The following TAFA1 variants were observed in gnomAD, a reference collection of about 807,000 sequenced individuals.
TAFA1 encodes chemokine-like protein TAFA-1.
A neutral mutation model predicts 18.5 loss-of-function variants in TAFA1; 4 were observed. That is an observed-to-expected ratio of 0.22 (90% CI 0.11 to 0.49). The LOEUF (loss-of-function observed/expected upper bound fraction) is 0.49, where lower values mean the gene tolerates loss of function less well. Among genes scored for constraint, TAFA1 ranks in the 20% least tolerant of loss-of-function variants. The pLI is 0.98. For synonymous variants in TAFA1, 56 were observed against 55.2 expected (o/e 1.01, Z -0.06); for missense variants, 147 against 169.0 (o/e 0.87, Z 0.72).
chr3:68,153,875 G>T (rs1173080094), intron 2 of TAFA1, among the ~76,000 whole-genome samples: 1 of 152,116 alleles, frequency 6.6e-6, no homozygotes, highest in African/African-American at 2.4e-5. Context: ...TTTATAATAA[G>T]AAAGCTATCC....
intron 3 of TAFA1, among the ~76,000 whole-genome samples, chr3:68,516,888 C>G (rs2072928762): frequency 6.6e-6 from 1 of 152,132 alleles, no homozygotes; most frequent in Non-Finnish European, 1.5e-5. Flanking sequence ...ATTCTCCTGC[C>G]TCAGTCTCCC....
chr3:68,178,865 C>T (rs567351275), intron 2 of TAFA1, among the ~76,000 whole-genome samples: 2 of 152,282 alleles, frequency 1.3e-5, no homozygotes, highest in East Asian at 3.9e-4. Flanking sequence ...GAGGTGCTTC[C>T]AGCTGGTGGT....
intron 2 of TAFA1, among the ~76,000 whole-genome samples, chr3:68,368,701 T>C (rs2069620626): frequency 6.6e-6 from 1 of 152,160 alleles, no homozygotes; most frequent in Non-Finnish European, 1.5e-5. Flanking sequence ...CACAGGTATA[T>C]GTGGGAAGGG....
rs1288072929 is a variant in TAFA1 at position 68,006,728 on chromosome 3, T to G, written c.102T>G (p.His34Gln). The change falls in exon 2 of 5, where the codon CAT becomes CAG. Residue 34 changes from histidine (H) to glutamine (Q), a missense_variant. Physicochemically the swap from His to Gln is conservative, Grantham distance 24. Transcript: ENST00000478136. ...CCCTTCAGCACACTTTCCAGCAGCATCACCTGCACAGACCAGGTAAGTCAG... is the reference window on the plus strand; with the variant it reads ...CCCTTCAGCACACTTTCCAGCAGCAGCACCTGCACAGACCAGGTAAGTCAG... ...HGSLQHTFQQ[H>Q]HLHRPEGGTC... is the part of the protein sequence containing the mutation. The G allele has an allele frequency of 1.9e-6, 3 of 1,613,538 alleles. No homozygotes were observed. Among genetic ancestry groups the G allele is most frequent in the Non-Finnish European group, 2.5e-6 (3 of 1,179,536 alleles).
chr3:68,021,871 C>T (rs1704698263), intron 2 of TAFA1, among the ~76,000 whole-genome samples: 1 of 152,088 alleles, frequency 6.6e-6, no homozygotes, highest in African/African-American at 2.4e-5. Flanking sequence ...AGAATTTGTA[C>T]ATGACAGGCA....
In TAFA1 at chr3:68,245,570, T is replaced by A. The variant is rs956157120; in HGVS notation, c.119-171710T>A. On this transcript the variant is annotated intron_variant, in intron 2 of 4. Transcript: ENST00000478136. Reference sequence around the variant, plus strand: ...AGGGTCACCTGATACCATATGTTCCTTGGAAGGGGATTGATAGCAGAGTTT... The same window carrying A: ...AGGGTCACCTGATACCATATGTTCCATGGAAGGGGATTGATAGCAGAGTTT... 3.9e-5 allele frequency among the ~76,000 whole-genome samples: 6 copies of A among 152,212 alleles called. No individual in the cohort carries two copies. The East Asian group carries it at 1.2e-3, about 29-fold the overall frequency.
At chr3:68,145,462 G>A (rs2065727406) in intron 2 of TAFA1, 1 of 875,938 alleles carries the variant, frequency 1.1e-6, no homozygotes, top group Non-Finnish European at 2.0e-6. Context: ...AACAAGGATG[G>A]CAAGTTGATT....
chr3:68,121,863 G>C (rs1018449044), intron 2 of TAFA1, among the ~76,000 whole-genome samples: 6 of 152,078 alleles, frequency 3.9e-5, no homozygotes, highest in Non-Finnish European at 5.9e-5. Flanking sequence ...AGGCATCCTG[G>C]AATGAGTTCT....
At chr3:68,433,005 G>C in intron 3 of TAFA1, among the ~76,000 whole-genome samples, 1 of 151,902 alleles carries the variant, frequency 6.6e-6, no homozygotes, top group East Asian at 1.9e-4. Flanking sequence ...TATGCACCTA[G>C]CCTAATCCGT....
intron 3 of TAFA1, among the ~76,000 whole-genome samples, chr3:68,433,010 A>G (rs1006583682): frequency 6.6e-6 from 1 of 151,938 alleles, no homozygotes; most frequent in Non-Finnish European, 1.5e-5. Context: ...ACCTAGCCTA[A>G]TCCGTTCTTC....
chr3:68,461,360 C>CTTATATATATATATAT (rs1553693191), intron 3 of TAFA1, among the ~76,000 whole-genome samples: 1 of 106,624 alleles, frequency 9.4e-6, no homozygotes, highest in African/African-American at 4.1e-5. Flanking sequence ...AATGAAAGTG[C>CTTATATATATATATAT]ATATATATAT....
At chr3:68,505,550 G>C (rs910850238) in intron 3 of TAFA1, among the ~76,000 whole-genome samples, 1 of 152,170 alleles carries the variant, frequency 6.6e-6, no homozygotes, top group African/African-American at 2.4e-5. Context: ...TTACCAGGGT[G>C]CAATCAGTGC....
rs564696009 is a variant in TAFA1 at position 68,428,149 on chromosome 3, T to A, written c.259+10729T>A. Among the ~76,000 whole-genome samples, 12 of 152,018 alleles carry A rather than the reference T, an allele frequency of 7.9e-5. No individual in the cohort carries two copies. In the South Asian group the frequency reaches 2.3e-3, roughly 29 times the overall value. ...AGATTTAAAATTGAAGAATGAGTAT[T>A]TTCCTGTTACCCATACTGTTGAGAG... is the stretch of plus-strand genomic sequence containing the variant. On this transcript the variant is annotated intron_variant, in intron 3 of 4. Coordinates refer to ENST00000478136, the MANE Select transcript of TAFA1 (RefSeq NM_213609.4).
At chr3:68,087,881 C>T (rs1253235093) in intron 2 of TAFA1, among the ~76,000 whole-genome samples, 1 of 151,920 alleles carries the variant, frequency 6.6e-6, no homozygotes, top group Non-Finnish European at 1.5e-5. Flanking sequence ...CTACTATAGG[C>T]ATTTCTGTAT....
intron 2 of TAFA1, among the ~76,000 whole-genome samples, chr3:68,063,127 G>A (rs1053029250): frequency 5.3e-5 from 8 of 152,298 alleles, no homozygotes; most frequent in Non-Finnish European, 8.8e-5. Flanking sequence ...AGAGAAGTTC[G>A]AAATCTGGGT....
chr3:68,188,872 G>T (rs1325167707), intron 2 of TAFA1, among the ~76,000 whole-genome samples: 1 of 151,804 alleles, frequency 6.6e-6, no homozygotes, highest in Non-Finnish European at 1.5e-5. Flanking sequence ...TCGTTTGTTT[G>T]TTTGTTTTGG....
At chr3:68,357,244 C>A (rs1211609711) in intron 2 of TAFA1, among the ~76,000 whole-genome samples, 7 of 151,802 alleles carry the variant, frequency 4.6e-5, no homozygotes, top group Admixed American at 6.6e-5. Flanking sequence ...AGAAATGTTT[C>A]TTATTTAGCA....
intron 2 of TAFA1, among the ~76,000 whole-genome samples, chr3:68,178,152 C>CA (rs149156361): frequency 0.21 from 31,201 of 149,736 alleles, 3,960 homozygotes; most frequent in South Asian, 0.29. Flanking sequence ...CCCCCCTCCC[C>CA]AAAAAAAAAT....
chr3:68,257,801 AT>A (rs1304144368), intron 2 of TAFA1, among the ~76,000 whole-genome samples: 1 of 152,150 alleles, frequency 6.6e-6, no homozygotes, highest in African/African-American at 2.4e-5. Context: ...CTCACAGTGG[AT>A]AAACTTGGAA....
Sources: allele counts gnomAD v4.1 joint callset (sites outside exome capture counted in the v4.1 genomes callset), GRCh38; gene constraint gnomAD v4.1.1; transcripts MANE v1.5; gene names NCBI Gene and HGNC (gene_info 2026-07-23, HGNC 2026-07-21).